CELF4: variants seen among roughly 807,000 people sequenced by gnomAD.
The protein encoded by CELF4 is CUG-BP- and ETR-3-like factor 4.
A neutral mutation model predicts 59.9 loss-of-function variants in CELF4; 18 were observed. The observed-to-expected ratio is 0.30, with a 90% CI of 0.21 to 0.45. CELF4 has a LOEUF of 0.45. Ranked by LOEUF, CELF4 falls within the 20% of genes least tolerant of loss-of-function variation. The probability of loss-of-function intolerance (pLI) is 1.00; values close to 1 mark genes in which losing one functional copy is unlikely to be tolerated. For missense variants in CELF4, 456 were observed against 689.0 expected (o/e 0.66, Z 3.79); for synonymous variants, 261 against 267.1 (o/e 0.98, Z 0.22).
chr18:37,489,633 A>G (rs976040293), intron 1 of CELF4, among the ~76,000 whole-genome samples: 1 of 152,160 alleles, frequency 6.6e-6, no homozygotes, highest in Non-Finnish European at 1.5e-5. Flanking sequence ...CATCAGCCTC[A>G]GCCCAGCAGC....
chr18:37,532,431 G>C (rs987185677), intron 1 of CELF4, among the ~76,000 whole-genome samples: 2 of 152,206 alleles, frequency 1.3e-5, no homozygotes, highest in Non-Finnish European at 2.9e-5. Flanking sequence ...CAGATGGAGG[G>C]ATGGATGCTA....
intron 2 of CELF4, among the ~76,000 whole-genome samples, chr18:37,429,079 T>C (rs76444831): frequency 0.088 from 13,407 of 151,786 alleles, 760 homozygotes; most frequent in African/African-American, 0.15. Flanking sequence ...GGTGAGGGAG[T>C]CGTGCTTCCT....
chr18:37,464,339 T>C (rs2154602283), intron 2 of CELF4, among the ~76,000 whole-genome samples: 1 of 152,226 alleles, frequency 6.6e-6, no homozygotes, highest in Middle Eastern at 3.4e-3. Context: ...CACACTGCCT[T>C]TCTATCTGGG....
At chr18:37,288,645 G>C (rs1016398356) in intron 3 of CELF4, among the ~76,000 whole-genome samples, 7 of 152,180 alleles carry the variant, frequency 4.6e-5, no homozygotes, top group Admixed American at 4.6e-4. Flanking sequence ...GCTCACCAGA[G>C]GATGGTCATG....
intron 12 of CELF4, among the ~76,000 whole-genome samples, chr18:37,252,390 A>G (rs2066037449): frequency 6.6e-6 from 1 of 152,072 alleles, no homozygotes; most frequent in Non-Finnish European, 1.5e-5. Context: ...TTGTCAACAC[A>G]GAAGCCAGGG....
chr18:37,312,836 G>A (rs2096724461), intron 3 of CELF4, among the ~76,000 whole-genome samples: 1 of 152,166 alleles, frequency 6.6e-6, no homozygotes, highest in African/African-American at 2.4e-5. Context: ...GGTTTCCTGT[G>A]ATGCCTCCCC....
downstream of CELF4, chr18:37,243,031 G>A (rs985670021): frequency 3.3e-5 from 5 of 152,186 alleles, no homozygotes; most frequent in African/African-American, 7.2e-5. Flanking sequence ...ACAGACCAAT[G>A]AAGAAATATT....
chr18:37,455,814 C>T (rs529424579), intron 2 of CELF4, among the ~76,000 whole-genome samples: 1 of 152,316 alleles, frequency 6.6e-6, no homozygotes, highest in South Asian at 2.1e-4. Context: ...CCCGGGCTCT[C>T]CCAGGGCTCT....
intron 2 of CELF4, among the ~76,000 whole-genome samples, chr18:37,363,376 A>G (rs1267787625): frequency 6.6e-6 from 1 of 152,226 alleles, no homozygotes; most frequent in Non-Finnish European, 1.5e-5. Context: ...ATCCAAAATG[A>G]ACATGATGAA....
At chr18:37,550,793 C>G (rs1489187826) in intron 1 of CELF4, among the ~76,000 whole-genome samples, 1 of 152,238 alleles carries the variant, frequency 6.6e-6, no homozygotes, top group Non-Finnish European at 1.5e-5. Flanking sequence ...TCCCTCTGGC[C>G]TGGCCTGTGC....
chr18:37,400,731 AATG>A (rs1258539721), intron 2 of CELF4, among the ~76,000 whole-genome samples: 1 of 152,232 alleles, frequency 6.6e-6, no homozygotes, highest in Non-Finnish European at 1.5e-5. Context: ...CCAGACCCAG[AATG>A]AATGCCGTTC....
At chr18:37,564,152 C>A (rs1341528190) in intron 1 of CELF4, among the ~76,000 whole-genome samples, 1 of 152,152 alleles carries the variant, frequency 6.6e-6, no homozygotes, top group Non-Finnish European at 1.5e-5. Flanking sequence ...AACGGAACAT[C>A]CATACACATC....
chr18:37,490,780 G>A (rs976819539), intron 1 of CELF4, among the ~76,000 whole-genome samples: 9 of 152,222 alleles, frequency 5.9e-5, no homozygotes, highest in African/African-American at 1.7e-4. Flanking sequence ...CGACTCTGAC[G>A]GGACATGAGG....
chr18:37,363,809 C>A (rs1022951934), intron 2 of CELF4, among the ~76,000 whole-genome samples: 1 of 152,182 alleles, frequency 6.6e-6, no homozygotes, highest in Admixed American at 6.5e-5. Flanking sequence ...GTGCCCCTCC[C>A]TCCCACATCT....
chr18:37,257,878 T>A (rs1416849435), intron 11 of CELF4, among the ~76,000 whole-genome samples: 1 of 151,948 alleles, frequency 6.6e-6, no homozygotes, highest in African/African-American at 2.4e-5. Context: ...AGGAGAAGGA[T>A]GAGGAGGTCG....
At chr18:37,519,736 C>T (rs1443667833) in intron 1 of CELF4, among the ~76,000 whole-genome samples, 1 of 152,244 alleles carries the variant, frequency 6.6e-6, no homozygotes, top group East Asian at 1.9e-4. Context: ...ATATGCTCTG[C>T]ACCTCTGTGA....
In CELF4 at chr18:37,273,145, C is replaced by T. The variant is rs776106589; in HGVS notation, c.820G>A (p.Ala274Thr). ...CCCTGCGCGACTGATGCCATCAGGGCCGCTTGCTGCTGCATCAGCTGGGGC... is the reference window on the plus strand; with the variant it reads ...CCCTGCGCGACTGATGCCATCAGGGTCGCTTGCTGCTGCATCAGCTGGGGC... ...YAQALMQQQA[A>T]LMASVAQGGY... Residue 274 changes from alanine to threonine, a missense_variant, in exon 7 of 13, where the codon GCC (alanine) becomes ACC (threonine). Around this residue, in one of 7 missense-constraint regions of CELF4, gnomAD observed 256 missense variants for 340.8 expected, o/e 0.75. Coordinates refer to ENST00000420428, the MANE Select transcript of CELF4 (RefSeq NM_020180.4). The T allele has an allele frequency of 1.1e-5, 18 of 1,610,194 alleles. 1 individual carries two copies. In the South Asian group the frequency reaches 2.0e-4, roughly 18 times the overall value.
At chr18:37,374,608 C>G (rs1387034227) in intron 2 of CELF4, among the ~76,000 whole-genome samples, 1 of 152,192 alleles carries the variant, frequency 6.6e-6, no homozygotes, top group Non-Finnish European at 1.5e-5. Flanking sequence ...ACCATGTGTA[C>G]AGAGGGTGAG....
chr18:37,509,984 G>A (rs1419613749), intron 1 of CELF4, among the ~76,000 whole-genome samples: 1 of 152,192 alleles, frequency 6.6e-6, no homozygotes, highest in Admixed American at 6.5e-5. Context: ...AAGAAGATTA[G>A]TGGTTACCAG....
Sources: gnomAD v4.1 joint callset for allele counts (sites outside exome capture counted in the v4.1 genomes callset) on GRCh38, gnomAD v4.1.1 for gene constraint, gnomAD v4.1.1 regional missense constraint, MANE v1.5 for transcripts, NCBI Gene and HGNC (gene_info 2026-07-23, HGNC 2026-07-21) for gene names.